FREM3: variants seen among roughly 807,000 people sequenced by gnomAD.
The protein encoded by FREM3 is FRAS1-related extracellular matrix protein 3.
FREM3 carries 105 observed loss-of-function variants against 129.1 expected under a neutral mutation model. That is an observed-to-expected ratio of 0.81 (90% CI 0.69 to 0.96). The LOEUF is 0.96. Ranked by LOEUF, FREM3 falls within the 40% of genes least tolerant of loss-of-function variation. The pLI is 0.00. For missense variants in FREM3, 2,593 were observed against 2,666.3 expected (o/e 0.97, Z 0.61); for synonymous variants, 1,014 against 1,044.9 (o/e 0.97, Z 0.57).
intron 2 of FREM3, among the ~76,000 whole-genome samples, chr4:143,678,118 T>C (rs1038816132): frequency 1.3e-5 from 2 of 152,138 alleles, no homozygotes; most frequent in African/African-American, 4.8e-5. Context: ...CTATTCACAA[T>C]AGCAAAGACT....
At chr4:143,619,544 A>G (rs1738910935) in intron 5 of FREM3, among the ~76,000 whole-genome samples, 1 of 152,202 alleles carries the variant, frequency 6.6e-6, no homozygotes, top group African/African-American at 2.4e-5. Flanking sequence ...CTCCCCATGT[A>G]TAGGATGAAA....
Position 143,585,897 on chromosome 4 carries a change from T to A in FREM3, c.6125A>T (p.Gln2042Leu). The change falls in exon 7 of 8, where the codon CAA becomes CTA. Residue 2042 changes from glutamine (Q) to leucine (L), a missense_variant. Coordinates refer to ENST00000329798, the MANE Select transcript of FREM3 (RefSeq NM_001168235.2). This position sits in a 1 kb window ranked among gnomAD's most constrained non-coding sequence, Gnocchi z 4.2. ...CVWRRGTDLSQPSSIAVRSRK... is the reference protein window; with the variant it reads ...CVWRRGTDLSLPSSIAVRSRK... ...GGAGCGCACGGCGATGGATGATGGT[T>A]GGGAAAGATCAGTGCCTCTTCTCCA... The A allele has an allele frequency of 6.5e-7, 1 of 1,537,384 alleles. No individual in the cohort carries two copies. Among genetic ancestry groups the A allele is most frequent in the Non-Finnish European group, 8.7e-7 (1 of 1,146,934 alleles).
chr4:143,668,560 A>G (rs1188978982), intron 2 of FREM3, among the ~76,000 whole-genome samples: 4 of 152,216 alleles, frequency 2.6e-5, no homozygotes, highest in Non-Finnish European at 5.9e-5. Context: ...GCTTCAATTC[A>G]TGAAAGGGCT....
At chr4:143,664,981 T>G (rs889550896) in intron 2 of FREM3, among the ~76,000 whole-genome samples, 1 of 152,146 alleles carries the variant, frequency 6.6e-6, no homozygotes, top group East Asian at 1.9e-4. Flanking sequence ...ATTTTCCAGG[T>G]GCTGTCTGTT....
chr4:143,680,793 A>G (rs1740235457), intron 2 of FREM3, among the ~76,000 whole-genome samples: 1 of 152,106 alleles, frequency 6.6e-6, no homozygotes, highest in Admixed American at 6.6e-5. Context: ...TAATGTTCTA[A>G]GTAAGTGTGA....
chr4:143,680,236 A>G (rs1345935043), intron 2 of FREM3, among the ~76,000 whole-genome samples: 1 of 151,214 alleles, frequency 6.6e-6, no homozygotes, highest in African/African-American at 2.4e-5. Flanking sequence ...ATATATGTAT[A>G]TATGGAATAG....
intron 6 of FREM3, among the ~76,000 whole-genome samples, chr4:143,594,974 C>T (rs1738441005): frequency 6.6e-6 from 1 of 152,048 alleles, no homozygotes; most frequent in Non-Finnish European, 1.5e-5. Flanking sequence ...GATTCCACAG[C>T]CATAGATGTG....
chr4:143,589,639 T>C (rs1038978478), intron 6 of FREM3, among the ~76,000 whole-genome samples: 5 of 152,244 alleles, frequency 3.3e-5, no homozygotes, highest in African/African-American at 1.2e-4. Context: ...TTTTGGTTAC[T>C]GTAGCCTTGT....
intron 2 of FREM3, among the ~76,000 whole-genome samples, chr4:143,637,121 C>T (rs1267967333): frequency 6.6e-6 from 1 of 152,176 alleles, no homozygotes. Context: ...AATACCTTTA[C>T]TTAGCAATTG....
chr4:143,586,099 A>G, intron 6 of FREM3, 106 bp from the exon 7 acceptor site: 1 of 1,137,596 alleles, frequency 8.8e-7, no homozygotes. Flanking sequence ...GTCAGACATG[A>G]CAGATCCCAT....
chr4:143,646,591 TCTC>T (rs1359581349), intron 2 of FREM3, among the ~76,000 whole-genome samples: 5 of 152,066 alleles, frequency 3.3e-5, no homozygotes, highest in Admixed American at 6.6e-5. Context: ...AGCACTCACT[TCTC>T]CTTCCTGCCA....
chr4:143,647,997 G>C (rs1739448723), intron 2 of FREM3, among the ~76,000 whole-genome samples: 1 of 152,182 alleles, frequency 6.6e-6, no homozygotes, highest in African/African-American at 2.4e-5. Flanking sequence ...GCTGGAAAGG[G>C]GGCTGTATCC....
intron 6 of FREM3, among the ~76,000 whole-genome samples, chr4:143,591,025 T>C (rs943049326): frequency 2.7e-4 from 41 of 152,248 alleles, no homozygotes; most frequent in Non-Finnish European, 5.6e-4. Flanking sequence ...TTTATTTGCA[T>C]AGAGGTGTTT....
At chr4:143,580,273 A>G (rs1738108044) in intron 7 of FREM3, among the ~76,000 whole-genome samples, 1 of 152,176 alleles carries the variant, frequency 6.6e-6, no homozygotes, top group African/African-American at 2.4e-5. Flanking sequence ...CAGAGAACAT[A>G]GAAGAGTGAG....
intron 6 of FREM3, among the ~76,000 whole-genome samples, chr4:143,602,718 G>A (rs1738593969): frequency 6.6e-6 from 1 of 152,146 alleles, no homozygotes; most frequent in African/African-American, 2.4e-5. Context: ...TGTAACTTCA[G>A]TAGAGTCAGG....
intron 2 of FREM3, among the ~76,000 whole-genome samples, chr4:143,639,330 G>A (rs142918884): frequency 8.2e-4 from 125 of 152,210 alleles, no homozygotes; most frequent in Middle Eastern, 3.4e-3. Flanking sequence ...TCAGCATGTC[G>A]TGGGAACAGA....
chr4:143,621,810 A>G lies in FREM3; in HGVS notation c.5654-648T>C, dbSNP rs528272845. Among the ~76,000 whole-genome samples the G allele has an allele frequency of 3.3e-5, 5 of 152,328 alleles. No individual in the cohort carries two copies. The South Asian group carries it at 1.0e-3, about 32-fold the overall frequency. On this transcript the variant is annotated intron_variant, in intron 4 of 7. Transcript: ENST00000329798. ...TGAAATATCAGTATGAATATTGGTC[A>G]TGTCTTGTTGATGGGATTATGTGTA...
intron 2 of FREM3, among the ~76,000 whole-genome samples, chr4:143,628,950 TG>T (rs1276904449): frequency 6.6e-6 from 1 of 152,082 alleles, no homozygotes; most frequent in Non-Finnish European, 1.5e-5. Context: ...AGCAGGTATA[TG>T]GACTAGAGGT....
At chr4:143,690,929 A>G (rs1455129855) in intron 2 of FREM3, among the ~76,000 whole-genome samples, 2 of 152,088 alleles carry the variant, frequency 1.3e-5, no homozygotes, top group African/African-American at 4.8e-5. Flanking sequence ...GGGAGGACCA[A>G]CTTGAGGCCT....
Sources: gnomAD v4.1 joint callset for allele counts (sites outside exome capture counted in the v4.1 genomes callset) on GRCh38, gnomAD v4.1.1 for gene constraint, Gnocchi (gnomAD v3.1) non-coding constraint, MANE v1.5 for transcripts, NCBI Gene and HGNC (gene_info 2026-07-23, HGNC 2026-07-21) for gene names.